The following SLC16A12 variants were observed in gnomAD, a reference collection of about 807,000 sequenced individuals.
SLC16A12 encodes the protein solute carrier family 16 member 12.
A neutral mutation model predicts 42.4 loss-of-function variants in SLC16A12; 17 were observed. That is an observed-to-expected ratio of 0.40 (90% CI 0.27 to 0.60). The LOEUF (loss-of-function observed/expected upper bound fraction) is 0.60. SLC16A12 is among the 20% of genes least tolerant of loss of function. The probability of loss-of-function intolerance (pLI) is 0.42; values close to 1 mark genes in which losing one functional copy is unlikely to be tolerated. For synonymous variants in SLC16A12, 224 were observed against 229.4 expected, an observed-to-expected ratio of 0.98 and a Z score of 0.21; for missense variants, 544 against 623.0, an observed-to-expected ratio of 0.87 and a Z score of 1.35.
intron 2 of SLC16A12, among the ~76,000 whole-genome samples, chr10:89,541,821 TATTTCCA>T (rs1843717505): frequency 1.3e-5 from 2 of 152,250 alleles, no homozygotes; most frequent in African/African-American, 2.4e-5. Context: ...TATTGCCAAA[TATTTCCA>T]CTAGGTTAGG....
chr10:89,460,632 C>T (rs2133742322), intron 3 of SLC16A12, among the ~76,000 whole-genome samples: 1 of 151,176 alleles, frequency 6.6e-6, no homozygotes, highest in African/African-American at 2.4e-5. Flanking sequence ...GTAATCCTAG[C>T]TACTCCAGAG....
chr10:89,463,627 G>A (rs1162247930), intron 2 of SLC16A12, among the ~76,000 whole-genome samples: 2 of 152,068 alleles, frequency 1.3e-5, no homozygotes, highest in East Asian at 1.9e-4. Flanking sequence ...TCGTTAATTT[G>A]TCTAAATTAA....
chr10:89,539,959 TTCTTTCTTTCTTTCTC>T (rs1054383825), upstream of SLC16A12, among the ~76,000 whole-genome samples: 2 of 135,456 alleles, frequency 1.5e-5, no homozygotes, highest in South Asian at 2.2e-4. Context: ...TCTTTCTTTC[TTCTTTCTTTCTTTCTC>T]TCTTTCTTTC....
At chr10:89,448,690 C>T (rs539216486) in intron 3 of SLC16A12, among the ~76,000 whole-genome samples, 22 of 152,294 alleles carry the variant, frequency 1.4e-4, no homozygotes, top group African/African-American at 4.8e-4. Flanking sequence ...CCTTTGAAAA[C>T]TGGCACAAGA....
chr10:89,504,842 G>A (rs749608728), intron 2 of SLC16A12, among the ~76,000 whole-genome samples: 1 of 152,154 alleles, frequency 6.6e-6, no homozygotes, highest in African/African-American at 2.4e-5. Context: ...ACAAGCCCTG[G>A]TTCTCTGGTT....
intron 2 of SLC16A12, among the ~76,000 whole-genome samples, chr10:89,497,835 G>A (rs1842943330): frequency 6.6e-6 from 1 of 151,972 alleles, no homozygotes; most frequent in African/African-American, 2.4e-5. Flanking sequence ...TCCTACTGAG[G>A]TCTCAGAGCT....
chr10:89,551,644 T>C (rs1843771789), intron 2 of SLC16A12, among the ~76,000 whole-genome samples: 1 of 152,060 alleles, frequency 6.6e-6, no homozygotes, highest in South Asian at 2.1e-4. Context: ...ATCATGGGGG[T>C]GTTTTCCCCC....
At chr10:89,492,725 C>A (rs967106283) in intron 2 of SLC16A12, among the ~76,000 whole-genome samples, 4 of 151,286 alleles carry the variant, frequency 2.6e-5, no homozygotes, top group Non-Finnish European at 5.9e-5. Context: ...TTGTATAGCA[C>A]CATGGAGTTT....
At chr10:89,516,373 C>A (rs1010689184) in intron 2 of SLC16A12, among the ~76,000 whole-genome samples, 2 of 152,180 alleles carry the variant, frequency 1.3e-5, no homozygotes, top group Non-Finnish European at 2.9e-5. Context: ...GTCTTTGCAA[C>A]CTCTGGTTTA....
chr10:89,530,448 C>T (rs1041713699), intron 2 of SLC16A12, among the ~76,000 whole-genome samples: 8 of 150,674 alleles, frequency 5.3e-5, no homozygotes, highest in South Asian at 2.1e-4. Flanking sequence ...GACGGAGTCT[C>T]GCTCTGTTGC....
chr10:89,473,127 C>A (rs1248753816), intron 2 of SLC16A12, among the ~76,000 whole-genome samples: 1 of 142,040 alleles, frequency 7.0e-6, no homozygotes, highest in East Asian at 2.1e-4. Context: ...CCTCAGCAGT[C>A]TTTTTTTTTT....
intron 2 of SLC16A12, among the ~76,000 whole-genome samples, chr10:89,498,606 C>T (rs1842955233): frequency 1.3e-5 from 2 of 152,124 alleles, no homozygotes; most frequent in African/African-American, 2.4e-5. Context: ...GCAGCTCCGA[C>T]TCGGGCAGAC....
At chr10:89,452,375 CAT>C (rs1264572565) in intron 3 of SLC16A12, among the ~76,000 whole-genome samples, 6 of 152,148 alleles carry the variant, frequency 3.9e-5, no homozygotes, top group African/African-American at 1.4e-4. Context: ...GTTCAAGACT[CAT>C]ATTTGCATTT....
At chr10:89,475,158 A>G (rs1014704260) in intron 2 of SLC16A12, among the ~76,000 whole-genome samples, 1 of 152,236 alleles carries the variant, frequency 6.6e-6, no homozygotes, top group African/African-American at 2.4e-5. Flanking sequence ...ACCCCACCCC[A>G]GTTAACATCC....
chr10:89,515,135 A>AG lies in SLC16A12; in HGVS notation c.-47+19365_-47+19366insC, dbSNP rs1457224326. ...AAAACAAAACAAAACAAAACAAAAA[A>AG]AAAAGAAAAGAAAAGCGGCCTGTTA... On this transcript the variant is annotated intron_variant, in intron 2 of 7. Transcript: ENST00000371790. Among the ~76,000 whole-genome samples the AG allele has an allele frequency of 1.2e-4, 10 of 86,532 alleles. No homozygotes were observed. The Admixed American group carries it at 1.2e-3, about 10-fold the overall frequency. 56.8% of individuals were successfully genotyped at this position (86,532 alleles called of 152,430 possible).
At chr10:89,491,474 T>C (rs1842846049) in intron 2 of SLC16A12, among the ~76,000 whole-genome samples, 1 of 151,200 alleles carries the variant, frequency 6.6e-6, no homozygotes, top group Non-Finnish European at 1.5e-5. Context: ...CCTATTTTCC[T>C]AATCTCTTCT....
intron 2 of SLC16A12, among the ~76,000 whole-genome samples, chr10:89,548,567 A>G (rs1370052873): frequency 6.6e-6 from 1 of 152,106 alleles, no homozygotes; most frequent in Admixed American, 6.6e-5. Flanking sequence ...CTGTAATCCC[A>G]GACTTTGGGA....
At chr10:89,467,215 A>G (rs561802037) in intron 2 of SLC16A12, among the ~76,000 whole-genome samples, 1 of 152,358 alleles carries the variant, frequency 6.6e-6, no homozygotes, top group Admixed American at 6.5e-5. Flanking sequence ...AACATCCGGC[A>G]TAAGGACCAT....
intron 3 of SLC16A12, among the ~76,000 whole-genome samples, chr10:89,459,316 TA>T (rs111833100): frequency 1.2e-4 from 18 of 148,896 alleles, no homozygotes; most frequent in Middle Eastern, 3.5e-3. Flanking sequence ...GCAGTTTTTT[TA>T]AAAAAAAAAA....
Sources: allele counts gnomAD v4.1 joint callset (sites outside exome capture counted in the v4.1 genomes callset), GRCh38; gene constraint gnomAD v4.1.1; transcripts MANE v1.5; gene names NCBI Gene and HGNC (gene_info 2026-07-23, HGNC 2026-07-21).